PATE4: variants seen among roughly 807,000 people sequenced by gnomAD.
PATE4 encodes the protein prostate and testis expressed protein 4.
In PATE4, 13 loss-of-function variants were observed where a neutral mutation model predicts 8.5. That is an observed-to-expected ratio of 1.53 (90% confidence interval 1.00 to 2.43). The LOEUF (loss-of-function observed/expected upper bound fraction) is 2.43, where lower values mean the gene tolerates loss of function less well. Ranked by LOEUF, PATE4 falls within the 30% of genes most tolerant of loss-of-function variation. The pLI, the probability that PATE4 is intolerant of heterozygous loss-of-function variation, is 0.00. For synonymous variants in PATE4, 47 were observed against 39.3 expected (o/e 1.20, Z -0.73); for missense variants, 127 against 115.5 (o/e 1.10, Z -0.46).
chr11:125,833,328 A>G lies in PATE4; in HGVS notation c.-32A>G, dbSNP rs1488612094. ...GGCTGCCCTTTCCAATACCTCACTC[A>G]GCACACCGTCTGTCACCCAAACAAG... On this transcript the variant is annotated 5_prime_UTR_variant, in exon 1 of 3. Transcript: ENST00000457514. 6.5e-7 allele frequency: 1 copy of G among 1,548,584 alleles called. No homozygotes were observed. The highest frequency in any genetic ancestry group is 1.2e-5 in the South Asian group (1 of 83,924).
rs1943935634 is a variant in PATE4, at chr11:125,838,348, G to GACTTACTTATACTTACTTATACT, written c.218_219insACTTACTTATACTTACTTATACT (p.Cys73Ter). On this transcript the variant is annotated stop_gained and frameshift_variant, in exon 3 of 3. Coordinates refer to ENST00000457514, the MANE Select transcript of PATE4 (RefSeq NM_001144874.1). LOFTEE classifies it low-confidence loss of function (END_TRUNC). ...TCAACACATATGTGTAAGTATAAGT[G>GACTTACTTATACTTACTTATACT]CCGGGAAGAGGAGTCCTCCAAAAGA... The GACTTACTTATACTTACTTATACT allele has an allele frequency of 1.9e-6, 3 of 1,551,252 alleles. No homozygotes were observed. The highest frequency in any genetic ancestry group is 1.2e-5 in the South Asian group (1 of 84,010).
intron 1 of PATE4, among the ~76,000 whole-genome samples, chr11:125,837,421 C>A (rs12277148): frequency 6.6e-6 from 1 of 152,134 alleles, no homozygotes; most frequent in Non-Finnish European, 1.5e-5. Context: ...ACTATGACTA[C>A]CTATCTGGAA....
At chr11:125,838,209 C>T in intron 2 of PATE4, 97 bp from the exon 3 acceptor site, 1 of 1,329,316 alleles carries the variant, frequency 7.5e-7, no homozygotes, top group Non-Finnish European at 1.0e-6. Flanking sequence ...GGGAAGGAGA[C>T]CCAGTGTTAA....
rs1469152074 is a variant in PATE4, at chr11:125,838,622, A to G, written c.*195A>G. On this transcript the variant is annotated 3_prime_UTR_variant, in exon 3 of 3. Coordinates refer to ENST00000457514, the MANE Select transcript of PATE4 (RefSeq NM_001144874.1). ...CCACTAGATTCCTAAAATCATGAGC[A>G]TTGAAACAAAATCCTCCATGAGCTA... 3.8e-6 allele frequency: 2 copies of G among 531,346 alleles called. No homozygotes were observed. The highest frequency in any genetic ancestry group is 3.9e-5 in the African/African-American group (2 of 51,778). 32.9% of individuals were successfully genotyped at this position (531,346 alleles called of 1,614,324 possible). A position where few individuals can be genotyped will look rare whatever the true frequency, so the allele number is the denominator to read the frequency against.
intron 1 of PATE4, chr11:125,835,786 T>C (rs1943915654): frequency 6.6e-6 from 1 of 152,228 alleles, no homozygotes. Flanking sequence ...ACATCTTTCC[T>C]GTCCTTTACC....
At chr11:125,833,497 C>T (rs1943901327) in intron 1 of PATE4, 80 bp downstream of exon 1, 5 of 1,331,266 alleles carry the variant, frequency 3.8e-6, no homozygotes, top group Middle Eastern at 1.8e-4. Context: ...GTCTCACTCA[C>T]ATGCTCCAGC....
At chr11:125,836,131 T>A (rs1943918055) in intron 1 of PATE4, among the ~76,000 whole-genome samples, 2 of 151,538 alleles carry the variant, frequency 1.3e-5, no homozygotes, top group African/African-American at 4.8e-5. Context: ...GACTTTTTTT[T>A]TTTTTTTTCT....
At chr11:125,838,216 T>A in intron 2 of PATE4, 90 bp from the exon 3 acceptor site, 1 of 1,370,138 alleles carries the variant, frequency 7.3e-7, no homozygotes, top group Non-Finnish European at 9.7e-7. Flanking sequence ...AGACCCAGTG[T>A]TAAGTGCTAT....
At chr11:125,834,259 T>A (rs749092997) in intron 1 of PATE4, among the ~76,000 whole-genome samples, 7 of 152,128 alleles carry the variant, frequency 4.6e-5, no homozygotes, top group Non-Finnish European at 1.0e-4. Flanking sequence ...ATATTCCTCA[T>A]GGCAAAAATT....
At chr11:125,833,927 A>T (rs1307613614) in intron 1 of PATE4, among the ~76,000 whole-genome samples, 3 of 152,150 alleles carry the variant, frequency 2.0e-5, no homozygotes, top group Non-Finnish European at 4.4e-5. Flanking sequence ...TCTGAGCTTC[A>T]GTCTTTCATC....
Position 125,837,801 on chromosome 11 carries a change from T to C in PATE4, c.59-67T>C, listed in dbSNP as rs1215512940. The C allele has an allele frequency of 3.6e-6, 4 of 1,113,754 alleles. No homozygotes were observed. In the East Asian group the frequency reaches 7.8e-5, roughly 22 times the overall value. 69.0% of individuals were successfully genotyped at this position (1,113,754 alleles called of 1,614,324 possible). On this transcript the variant is annotated intron_variant, in intron 1 of 2. Coordinates refer to ENST00000457514, the MANE Select transcript of PATE4 (RefSeq NM_001144874.1). ...TCGTCAATATGCAACCTCTTACTGA[T>C]GCTGAAAACTCACTTTTCCATTGTC...
intron 1 of PATE4, among the ~76,000 whole-genome samples, chr11:125,837,380 C>T (rs1943928337): frequency 1.3e-5 from 2 of 152,098 alleles, no homozygotes; most frequent in Non-Finnish European, 2.9e-5. Context: ...CTAAACATGC[C>T]GTTTTCATTC....
intron 1 of PATE4, among the ~76,000 whole-genome samples, chr11:125,836,279 T>C (rs929425484): frequency 6.6e-6 from 1 of 152,154 alleles, no homozygotes; most frequent in African/African-American, 2.4e-5. Context: ...AAGTCCCACG[T>C]TGACCTGCTA....
chr11:125,837,653 A>G (rs1943929979), intron 1 of PATE4, among the ~76,000 whole-genome samples: 1 of 152,216 alleles, frequency 6.6e-6, no homozygotes, highest in Admixed American at 6.5e-5. Context: ...TCAAATATAA[A>G]TGGACCCTAT....
intron 1 of PATE4, among the ~76,000 whole-genome samples, chr11:125,837,458 C>T (rs1943928823): frequency 6.6e-6 from 1 of 152,194 alleles, no homozygotes; most frequent in Non-Finnish European, 1.5e-5. Context: ...CCCCTGCCCC[C>T]ACCTCCCCAA....
chr11:125,838,468 C>G lies in PATE4; in HGVS notation c.*41C>G. On this transcript the variant is annotated 3_prime_UTR_variant, in exon 3 of 3. Coordinates refer to ENST00000457514, the MANE Select transcript of PATE4 (RefSeq NM_001144874.1). ...TGCAGAGGATCATCTGATCAAGATCCAGAATCAAGACCAACCAACATGAAC... is the reference window on the plus strand; with the variant it reads ...TGCAGAGGATCATCTGATCAAGATCGAGAATCAAGACCAACCAACATGAAC... 1 of 1,516,654 alleles carries G rather than the reference C, an allele frequency of 6.6e-7. No individual in the cohort carries two copies. The highest frequency in any genetic ancestry group is 1.3e-5 in the South Asian group (1 of 78,148). The allele number at this position is 1,516,654 out of a possible 1,614,324, so 93.9% of individuals were successfully genotyped here.
In PATE4 at chr11:125,839,330, A is replaced by G. The variant is rs940031103; in HGVS notation, c.*903A>G. On this transcript the variant is annotated 3_prime_UTR_variant, in exon 3 of 3. Transcript: ENST00000457514. ...TGCAGGAAGAGAGGAATAACAGAGC[A>G]CATGCTATGAATAAATGTGGAGATC... 2.0e-5 allele frequency: 3 copies of G among 152,258 alleles called. No individual in the cohort carries two copies. Among genetic ancestry groups the G allele is most frequent in the Non-Finnish European group, 4.4e-5 (3 of 68,070 alleles). The allele number at this position is 152,258 out of a possible 1,614,324, so 9.4% of individuals were successfully genotyped here.
At chr11:125,837,847 T>C in intron 1 of PATE4, 21 bp from the exon 2 acceptor site, 1 of 1,521,198 alleles carries the variant, frequency 6.6e-7, no homozygotes. Context: ...GCCTGAATAT[T>C]CTATTCTCTC....
rs911441857 is a variant in PATE4 at position 125,833,418 on chromosome 11, G to T, written c.58+1G>T. The T allele has an allele frequency of 6.4e-7, 1 of 1,551,346 alleles. No homozygotes were observed. Among genetic ancestry groups the T allele is most frequent in the Non-Finnish European group, 8.7e-7 (1 of 1,146,710 alleles). ...TTATCTTTTCTCTACCTCAAAGAGG[G>T]TAAGTTTGAACAATGGGGGTGGAGG... On this transcript the variant is annotated splice_donor_variant, in intron 1 of 2. Coordinates refer to ENST00000457514, the MANE Select transcript of PATE4 (RefSeq NM_001144874.1). LOFTEE classifies it high-confidence loss of function.
Sources: allele counts gnomAD v4.1 joint callset (sites outside exome capture counted in the v4.1 genomes callset), GRCh38; gene constraint gnomAD v4.1.1; transcripts MANE v1.5; gene names NCBI Gene and HGNC (gene_info 2026-07-23, HGNC 2026-07-21).